Variants in XPO5 observed in about 807,000 individuals in gnomAD.
XPO5 encodes exportin 5.
XPO5 carries 46 observed loss-of-function variants against 160.6 expected under a neutral mutation model. The observed-to-expected ratio is 0.29, with a 90% CI of 0.23 to 0.37. The LOEUF is 0.37. Ranked by LOEUF, XPO5 falls within the 10% of genes least tolerant of loss-of-function variation. The probability of loss-of-function intolerance (pLI) is 1.00; values close to 1 mark genes in which losing one functional copy is unlikely to be tolerated. For synonymous variants in XPO5, 537 were observed against 519.3 expected, an observed-to-expected ratio of 1.03 and a Z score of -0.46; for missense variants, 1,090 against 1,463.9, an observed-to-expected ratio of 0.74 and a Z score of 4.17.
Position 43,531,580 on chromosome 6 carries a change from A to G in XPO5, c.2444-5T>C, listed in dbSNP as rs1793982282. 6.2e-7 allele frequency: 1 copy of G among 1,611,440 alleles called. No homozygotes were observed. The highest frequency in any genetic ancestry group is 1.1e-5 in the South Asian group (1 of 91,034). ...CCAAGAGAGGTTGAGGTAATCCTACAGGGAAATACGGGTCAAGAACATGAT... is the reference window on the plus strand; with the variant it reads ...CCAAGAGAGGTTGAGGTAATCCTACGGGGAAATACGGGTCAAGAACATGAT... On this transcript the variant is annotated splice_polypyrimidine_tract_variant and splice_region_variant and intron_variant, in intron 21 of 31. Coordinates refer to ENST00000265351, the MANE Select transcript of XPO5 (RefSeq NM_020750.3).
chr6:43,553,020 T>C (rs923379750), intron 14 of XPO5, among the ~76,000 whole-genome samples: 4 of 126,118 alleles, frequency 3.2e-5, no homozygotes, highest in Admixed American at 7.2e-5. Flanking sequence ...CCTATTCTAC[T>C]ACCAGTTTAC....
At chr6:43,552,375 C>T (rs556047884) in intron 14 of XPO5, among the ~76,000 whole-genome samples, 2 of 151,578 alleles carry the variant, frequency 1.3e-5, no homozygotes, top group South Asian at 4.2e-4. Context: ...TTTTTTAAGA[C>T]AGAATCCCAC....
chr6:43,524,840 G>A lies in XPO5; in HGVS notation c.3303C>T (p.Tyr1101=), dbSNP rs2257082. The A allele has an allele frequency of 0.28, 452,396 of 1,612,466 alleles. 67,186 individuals are homozygous for A. The highest frequency in any genetic ancestry group is 0.62 in the East Asian group (27,615 of 44,866). The stretch of plus-strand genomic sequence containing the variant: ...TGCCTTCCCCACTCACCAGTGCCTC[G>A]TATATCTGGAAGGCCAGATGGACCA... ...ASLVHLAFQI[Y]EALRPRYLEI... Residue 1101 remains tyrosine, a synonymous_variant, in exon 30 of 32, where the codon TAC becomes TAT. Coordinates refer to ENST00000265351, the MANE Select transcript of XPO5 (RefSeq NM_020750.3).
In XPO5 at chr6:43,570,699, A is replaced by G; in HGVS notation, c.439-15T>C. On this transcript the variant is annotated splice_polypyrimidine_tract_variant and intron_variant, in intron 4 of 31. Transcript: ENST00000265351. ...GTCTGTGTTTCCTACACCAATAGAA[A>G]TAAGCTAGTTAAAAACTAAAATATC... is the stretch of plus-strand genomic sequence containing the variant. The G allele has an allele frequency of 6.3e-7, 1 of 1,577,504 alleles. No individual in the cohort carries two copies. The highest frequency in any genetic ancestry group is 8.6e-7 in the Non-Finnish European group (1 of 1,164,836).
intron 3 of XPO5, 128 bp downstream of exon 3, chr6:43,572,378 A>C (rs549793281): frequency 2.2e-6 from 2 of 918,152 alleles, no homozygotes; most frequent in African/African-American, 3.3e-5. Context: ...TGCCTGGCCT[A>C]AATTATGATT....
intron 20 of XPO5, chr6:43,539,600 C>G (rs927854112): frequency 3.5e-5 from 49 of 1,381,176 alleles, no homozygotes; most frequent in Non-Finnish European, 4.8e-5. Flanking sequence ...GCGACCCCGG[C>G]CCCGGATGCC....
chr6:43,557,318 C>T (rs540479663), intron 12 of XPO5, among the ~76,000 whole-genome samples: 2 of 148,486 alleles, frequency 1.3e-5, no homozygotes, highest in South Asian at 4.3e-4. Context: ...CCCAGCTATT[C>T]AGGAGGCTGA....
intron 11 of XPO5, 119 bp from the exon 12 acceptor site, chr6:43,558,710 T>C (rs1036880152): frequency 6.9e-6 from 5 of 721,572 alleles, no homozygotes; most frequent in African/African-American, 5.4e-5. Flanking sequence ...GCATGAGATA[T>C]TGTATGGTAA....
intron 21 of XPO5, chr6:43,533,663 T>C (rs901856233): frequency 2.7e-5 from 8 of 296,682 alleles, no homozygotes; most frequent in Non-Finnish European, 5.4e-5. Context: ...ATAGCAAGAC[T>C]CTGTCTCAAC....
At position 43,525,309 on chromosome 6, in the gene XPO5, T is replaced by C. The variant is rs1054354184; in HGVS notation, c.3067-95A>G. The C allele has an allele frequency of 5.8e-5, 67 of 1,153,308 alleles. No individual in the cohort carries two copies. The Admixed American group carries it at 6.7e-4, about 12-fold the overall frequency. The allele number at this position is 1,153,308 out of a possible 1,614,324, so 71.4% of individuals were successfully genotyped here. ...CAGGAGCCGGAGGGTTTTTTTTTTT[T>C]CCTCCCCCCCTCTAAAGATGGGTTT... On this transcript the variant is annotated intron_variant, in intron 28 of 31. Transcript: ENST00000265351.
rs759827821 is a variant in XPO5 at position 43,528,814 on chromosome 6, G to C, written c.2775+14C>G. ...ATAGTACTCTTTGCTTCCTGTTCCTGACTTATCTCTTACCATATGGAGGTA... is the reference window on the plus strand; with the variant it reads ...ATAGTACTCTTTGCTTCCTGTTCCTCACTTATCTCTTACCATATGGAGGTA... On this transcript the variant is annotated intron_variant, in intron 24 of 31. Coordinates refer to ENST00000265351, the MANE Select transcript of XPO5 (RefSeq NM_020750.3). 12 of 1,611,446 alleles carry C rather than the reference G, an allele frequency of 7.4e-6. No individual in the cohort carries two copies. The South Asian group carries it at 9.9e-5, about 13-fold the overall frequency.
At position 43,553,255 on chromosome 6, in the gene XPO5, T is replaced by C. The variant is rs6458341; in HGVS notation, c.1572+118A>G. On this transcript the variant is annotated intron_variant, in intron 14 of 31. Transcript: ENST00000265351. ...AGTTGGAGGTTACAGAGAGCTATGA[T>C]TGTGCCACTGCATTTCAGCCTGAGC... The C allele has an allele frequency of 2.0e-3, 2,596 of 1,296,134 alleles. 36 individuals carry two copies. The African/African-American group carries it at 0.034, about 17-fold the overall frequency. The allele number at this position is 1,296,134 out of a possible 1,614,324, so 80.3% of individuals were successfully genotyped here.
intron 20 of XPO5, chr6:43,539,699 G>A (rs1313392958): frequency 1.4e-5 from 10 of 720,810 alleles, no homozygotes; most frequent in East Asian, 5.5e-5. Context: ...GGCGTCATCC[G>A]CCATTTGGTG....
rs1431153555 is a variant in XPO5, at chr6:43,522,624, A to G, written c.*1244T>C. 7.4e-6 allele frequency: 3 copies of G among 403,446 alleles called. No homozygotes were observed. Among genetic ancestry groups the G allele is most frequent in the Non-Finnish European group, 1.6e-5 (3 of 183,274 alleles). The allele number at this position is 403,446 out of a possible 1,614,324, so 25.0% of individuals were successfully genotyped here. A position where few individuals can be genotyped will look rare whatever the true frequency, so the allele number is the denominator to read the frequency against. Reference sequence around the variant, plus strand: ...CAAGACTCCCAACTTCTGCTTCCCCAGCTTTGCTTCTTCTCAATCTGACCC... The same window carrying G: ...CAAGACTCCCAACTTCTGCTTCCCCGGCTTTGCTTCTTCTCAATCTGACCC... On this transcript the variant is annotated 3_prime_UTR_variant, in exon 32 of 32. Transcript: ENST00000265351.
chr6:43,553,055 C>T (rs549465145), intron 14 of XPO5, among the ~76,000 whole-genome samples: 2 of 151,438 alleles, frequency 1.3e-5, no homozygotes, highest in East Asian at 1.9e-4. Context: ...GGGTCATGCC[C>T]GCAATCTCAG....
At chr6:43,553,193 T>C (rs1176872366) in intron 14 of XPO5, among the ~76,000 whole-genome samples, 180 bp downstream of exon 14, 1 of 152,032 alleles carries the variant, frequency 6.6e-6, no homozygotes, top group Non-Finnish European at 1.5e-5. Context: ...TTCTAGATCC[T>C]CAGGAGCCTG....
At chr6:43,558,049 C>T (rs915468019) in intron 12 of XPO5, among the ~76,000 whole-genome samples, 6 of 150,808 alleles carry the variant, frequency 4.0e-5, no homozygotes, top group Non-Finnish European at 3.0e-5. Flanking sequence ...GAGCCGAGAT[C>T]GCGCCATTGC....
intron 11 of XPO5, among the ~76,000 whole-genome samples, chr6:43,559,911 G>A (rs1762319917): frequency 6.6e-6 from 1 of 152,014 alleles, no homozygotes; most frequent in Admixed American, 6.6e-5. Flanking sequence ...AACTTCCCAA[G>A]CTCAGGTGAT....
chr6:43,575,737 C>T (rs1763285403), intron 1 of XPO5, 23 bp downstream of exon 1: 1 of 1,600,718 alleles, frequency 6.2e-7, no homozygotes, highest in Non-Finnish European at 8.5e-7. Flanking sequence ...GGGACCGGCC[C>T]AGGACGCCAG....
Sources: allele counts gnomAD v4.1 joint callset (sites outside exome capture counted in the v4.1 genomes callset), GRCh38; gene constraint gnomAD v4.1.1; transcripts MANE v1.5; gene names NCBI Gene and HGNC (gene_info 2026-07-23, HGNC 2026-07-21).